Variants in TRAPPC9 observed in about 807,000 individuals in gnomAD.
The protein encoded by TRAPPC9 is IKK2 binding protein.
A neutral mutation model predicts 124.0 loss-of-function variants in TRAPPC9; 83 were observed. The ratio of observed to expected loss-of-function variants is 0.67; its 90% confidence interval spans 0.56 to 0.80. The LOEUF is 0.80. Ranked by LOEUF, TRAPPC9 falls within the 30% of genes least tolerant of loss-of-function variation. The probability of loss-of-function intolerance (pLI) is 0.00; values close to 1 mark genes in which losing one functional copy is unlikely to be tolerated. For missense variants in TRAPPC9, 1,302 were observed against 1,508.3 expected (o/e 0.86, Z 2.27); for synonymous variants, 638 against 617.5 (o/e 1.03, Z -0.49).
At chr8:140,265,249 C>T (rs72688880) in intron 15 of TRAPPC9, among the ~76,000 whole-genome samples, 28,177 of 152,108 alleles carry the variant, frequency 0.19, 2,702 homozygotes, top group Admixed American at 0.22. Flanking sequence ...CTTCAGAATG[C>T]TACTATTTCC....
intron 5 of TRAPPC9, 129 bp from the exon 6 acceptor site, chr8:140,405,827 T>G: frequency 2.0e-6 from 2 of 1,013,240 alleles, no homozygotes; most frequent in Non-Finnish European, 3.0e-6. Flanking sequence ...AAGTGTTTAG[T>G]CTTCACAGCT....
chr8:139,731,704 G>A (rs535416098), intron 22 of TRAPPC9, among the ~76,000 whole-genome samples: 3 of 152,230 alleles, frequency 2.0e-5, no homozygotes, highest in Non-Finnish European at 2.9e-5. Flanking sequence ...TCATGGAGCA[G>A]CCCCCTGTCC....
At chr8:140,272,247 T>TG (rs2064948834) in intron 15 of TRAPPC9, among the ~76,000 whole-genome samples, 1 of 42,640 alleles carries the variant, frequency 2.3e-5, no homozygotes, top group African/African-American at 9.5e-5. Flanking sequence ...GTGGTGGGGG[T>TG]GGGGGTTGGG....
At chr8:139,971,531 T>C (rs950832142) in intron 19 of TRAPPC9, among the ~76,000 whole-genome samples, 3 of 151,934 alleles carry the variant, frequency 2.0e-5, no homozygotes, top group African/African-American at 7.3e-5. Context: ...CTCAGCAGTC[T>C]CTGGGCCTGC....
intron 4 of TRAPPC9, among the ~76,000 whole-genome samples, chr8:140,430,934 C>T (rs1262065699): frequency 6.6e-6 from 1 of 152,104 alleles, no homozygotes; most frequent in Non-Finnish European, 1.5e-5. Flanking sequence ...GCCACCATGC[C>T]CGGCAGAGAA....
At position 139,729,844 on chromosome 8, in the gene TRAPPC9, C is replaced by T. The variant is rs748468132; in HGVS notation, c.*1217G>A. Among the ~76,000 whole-genome samples the T allele has an allele frequency of 6.6e-6, 1 of 152,168 alleles. No homozygotes were observed. Among genetic ancestry groups the T allele is most frequent in the South Asian group, 2.1e-4 (1 of 4,832 alleles). ...TTAGGAAGCCCCGCTCTCTGTCCCCCAATACTCCATGGGAGTTTCAGTGCC... is the reference window on the plus strand; with the variant it reads ...TTAGGAAGCCCCGCTCTCTGTCCCCTAATACTCCATGGGAGTTTCAGTGCC... On this transcript the variant is annotated 3_prime_UTR_variant, in exon 23 of 23. Transcript: ENST00000438773.
chr8:140,338,877 G>A (rs1251447597), intron 9 of TRAPPC9, among the ~76,000 whole-genome samples: 1 of 47,406 alleles, frequency 2.1e-5, no homozygotes, highest in African/African-American at 2.0e-4. Context: ...ACAGGCCGAC[G>A]GGAAACGGCT....
intron 21 of TRAPPC9, among the ~76,000 whole-genome samples, chr8:139,875,154 C>T (rs577828821): frequency 9.9e-5 from 15 of 152,162 alleles, no homozygotes; most frequent in South Asian, 6.2e-4. Flanking sequence ...GTAGACAGGA[C>T]GGGGGAAGAA....
intron 17 of TRAPPC9, among the ~76,000 whole-genome samples, chr8:140,143,559 G>T (rs992346361): frequency 6.6e-6 from 1 of 152,182 alleles, no homozygotes; most frequent in Non-Finnish European, 1.5e-5. Flanking sequence ...GAATCAAACT[G>T]ATCAATCTTT....
chr8:140,436,421 AC>A lies in TRAPPC9; in HGVS notation c.731-1182del, dbSNP rs537734667. ...TTATGAAAAATAATTGTTTTCCAAA[AC>A]AAAAATAAAGTACTGGAGGAATGGC... is the stretch of plus-strand genomic sequence containing the variant. On this transcript the variant is annotated intron_variant, in intron 3 of 22. Coordinates refer to ENST00000438773, the MANE Select transcript of TRAPPC9 (RefSeq NM_001160372.4). Among the ~76,000 whole-genome samples the A allele has an allele frequency of 1.6e-3, 243 of 152,354 alleles. 2 individuals carry two copies. Among genetic ancestry groups the A allele is most frequent in the African/African-American group, 5.6e-3 (232 of 41,594 alleles).
chr8:139,853,971 A>T (rs1827653723), intron 21 of TRAPPC9, among the ~76,000 whole-genome samples: 1 of 152,254 alleles, frequency 6.6e-6, no homozygotes, highest in African/African-American at 2.4e-5. Context: ...ATACTATATT[A>T]TACCAAAATA....
intron 17 of TRAPPC9, among the ~76,000 whole-genome samples, chr8:140,158,402 G>A (rs2061690506): frequency 6.6e-6 from 1 of 152,204 alleles, no homozygotes; most frequent in Non-Finnish European, 1.5e-5. Context: ...TCTGGAGGCA[G>A]AGGAAGGAGC....
In TRAPPC9 at chr8:139,804,824, C is replaced by T. The variant is rs1056397362; in HGVS notation, c.3056-72622G>A. Among the ~76,000 whole-genome samples, 7 of 152,250 alleles carry T rather than the reference C, an allele frequency of 4.6e-5. 1 individual carries two copies. The highest frequency in any genetic ancestry group is 3.3e-4 in the Admixed American group (5 of 15,298). On this transcript the variant is annotated intron_variant, in intron 21 of 22. Coordinates refer to ENST00000438773, the MANE Select transcript of TRAPPC9 (RefSeq NM_001160372.4). ...CCACCCACCACCAAGGCAGCTCTCT[C>T]CCCACAGCCTCTTCCATGCAGTGCT...
chr8:140,257,494 G>T lies in TRAPPC9; in HGVS notation c.2279-4565C>A, dbSNP rs1396040361. On this transcript the variant is annotated intron_variant, in intron 15 of 22. Coordinates refer to ENST00000438773, the MANE Select transcript of TRAPPC9 (RefSeq NM_001160372.4). This position sits in a 1 kb window ranked among gnomAD's most constrained non-coding sequence, Gnocchi z 4.6. ...GAAGCCTCCCCAGACAGGAGCCCAG[G>T]AGTGGGAAAAAGGACCCCGTGCCAT... 6.6e-6 allele frequency among the ~76,000 whole-genome samples: 1 copy of T among 152,200 alleles called. No individual in the cohort carries two copies. The highest frequency in any genetic ancestry group is 1.5e-5 in the Non-Finnish European group (1 of 68,034).
intron 15 of TRAPPC9, among the ~76,000 whole-genome samples, chr8:140,266,412 G>T (rs71514669): frequency 2.0e-5 from 3 of 151,212 alleles, no homozygotes; most frequent in East Asian, 3.9e-4. Flanking sequence ...GCAGTGAGCC[G>T]AGGTTGTACC....
At chr8:139,938,930 C>A (rs1456891549) in intron 19 of TRAPPC9, among the ~76,000 whole-genome samples, 2 of 152,220 alleles carry the variant, frequency 1.3e-5, no homozygotes, top group Non-Finnish European at 2.9e-5. Context: ...CAGGCGTGAG[C>A]CACCGCGCCC....
rs1042939391 is a variant in TRAPPC9 at position 140,182,589 on chromosome 8, G to A, written c.2556+38870C>T. Among the ~76,000 whole-genome samples the A allele has an allele frequency of 3.3e-5, 5 of 152,106 alleles. No homozygotes were observed. The highest frequency in any genetic ancestry group is 7.4e-5 in the Non-Finnish European group (5 of 68,014). ...GAAGCACACTGCAAAGTGTCATTTT[G>A]CCAAGTGTCCTCTCAACCTCTTGCT... On this transcript the variant is annotated intron_variant, in intron 17 of 22. Coordinates refer to ENST00000438773, the MANE Select transcript of TRAPPC9 (RefSeq NM_001160372.4). This position sits in a 1 kb window ranked among gnomAD's most constrained non-coding sequence, Gnocchi z 4.0.
chr8:140,276,273 A>C (rs2065115503), intron 14 of TRAPPC9, among the ~76,000 whole-genome samples: 1 of 152,228 alleles, frequency 6.6e-6, no homozygotes, highest in African/African-American at 2.4e-5. Context: ...CCAGCTGCTA[A>C]CATAGAGCTG....
At chr8:140,396,203 G>A (rs949679448) in intron 7 of TRAPPC9, among the ~76,000 whole-genome samples, 2 of 140,848 alleles carry the variant, frequency 1.4e-5, no homozygotes, top group South Asian at 2.3e-4. Context: ...GTGCAGTGGT[G>A]TGATCTTGGC....
Sources: gnomAD v4.1 joint callset for allele counts (sites outside exome capture counted in the v4.1 genomes callset) on GRCh38, gnomAD v4.1.1 for gene constraint, Gnocchi (gnomAD v3.1) non-coding constraint, MANE v1.5 for transcripts, NCBI Gene and HGNC (gene_info 2026-07-23, HGNC 2026-07-21) for gene names.